Variants in PRKCB observed in about 807,000 individuals in gnomAD.
The protein encoded by PRKCB is protein kinase C beta type.
Under a neutral mutation model 81.5 loss-of-function variants are expected in PRKCB, and 13 were observed. The ratio of observed to expected loss-of-function variants is 0.16; its 90% CI spans 0.10 to 0.25. The LOEUF (loss-of-function observed/expected upper bound fraction) is 0.25, where lower values mean the gene tolerates loss of function less well. PRKCB is among the 10% of genes least tolerant of loss of function. PRKCB has a pLI of 1.00. For synonymous variants in PRKCB, 335 were observed against 321.4 expected, an observed-to-expected ratio of 1.04 and a Z score of -0.45; for missense variants, 509 against 875.7, an observed-to-expected ratio of 0.58 and a Z score of 5.29.
chr16:23,899,751 C>T (rs1597235337), intron 2 of PRKCB, among the ~76,000 whole-genome samples: 1 of 79,220 alleles, frequency 1.3e-5, no homozygotes, highest in East Asian at 3.4e-4. Context: ...GATCCTCCCA[C>T]CTCAGCCTTC....
At chr16:24,201,436 G>A (rs987596806) in intron 16 of PRKCB, among the ~76,000 whole-genome samples, 1 of 152,250 alleles carries the variant, frequency 6.6e-6, no homozygotes, top group Middle Eastern at 3.4e-3. Flanking sequence ...TGGGCACATA[G>A]CAACTCCCAA....
chr16:23,882,039 T>TTTC, intron 2 of PRKCB, among the ~76,000 whole-genome samples: 1 of 126,052 alleles, frequency 7.9e-6, no homozygotes, highest in Non-Finnish European at 1.7e-5. Context: ...CCTTCCTTCC[T>TTTC]TCCTTCCTTC....
At chr16:24,101,157 T>C (rs1429811833) in intron 7 of PRKCB, among the ~76,000 whole-genome samples, 2 of 152,238 alleles carry the variant, frequency 1.3e-5, no homozygotes, top group Non-Finnish European at 2.9e-5. Context: ...GAATTCTAAC[T>C]TTGTGGCTAA....
chr16:24,179,951 T>G (rs1203529142), intron 12 of PRKCB, among the ~76,000 whole-genome samples: 3 of 145,684 alleles, frequency 2.1e-5, no homozygotes, highest in Non-Finnish European at 4.5e-5. Context: ...TGTGCAACAT[T>G]TTTTTTTTTT....
chr16:24,193,746 G>A (rs919659798), intron 16 of PRKCB, among the ~76,000 whole-genome samples: 7 of 152,100 alleles, frequency 4.6e-5, no homozygotes, highest in African/African-American at 1.7e-4. Context: ...GAGGGAAGAG[G>A]GCTGGTGAGA....
Position 24,195,695 on chromosome 16 carries a change from T to C in PRKCB, c.1863+4465T>C, listed in dbSNP as rs570291835. ...GGAACAAGAGTCATTTCTTTTTTAATGTTCGCCTGGTTGTGTGTTGCTTTT... is the reference window on the plus strand; with the variant it reads ...GGAACAAGAGTCATTTCTTTTTTAACGTTCGCCTGGTTGTGTGTTGCTTTT... On this transcript the variant is annotated intron_variant, in intron 16 of 16. Transcript: ENST00000643927. Among the ~76,000 whole-genome samples, 7 of 152,350 alleles carry C rather than the reference T, an allele frequency of 4.6e-5. No homozygotes were observed. In the South Asian group the frequency reaches 1.4e-3, roughly 32 times the overall value.
chr16:24,007,232 G>T (rs902518405), intron 3 of PRKCB, among the ~76,000 whole-genome samples: 1 of 152,190 alleles, frequency 6.6e-6, no homozygotes, highest in African/African-American at 2.4e-5. Context: ...TAGATGGTAA[G>T]AGCTTCATGC....
In PRKCB at chr16:24,214,712, C is replaced by G; in HGVS notation, c.1918C>G (p.Leu640Val). Residue 640 changes from leucine to valine, a missense_variant, in exon 17 of 17, where the codon CTA becomes GTA. Leu to Val is a conservative substitution (Grantham distance 32). Around this residue, in one of 6 missense-constraint regions of PRKCB, gnomAD observed 104 missense variants for 160.5 expected, o/e 0.65. Coordinates refer to ENST00000643927, the MANE Select transcript of PRKCB (RefSeq NM_002738.7). ...DRFFTRHPPV[L>V]TPPDQEVIRN... ...ATTTTTCACCCGCCATCCACCAGTC[C>G]TAACACCTCCCGACCAGGAAGTCAT... The G allele has an allele frequency of 6.2e-7, 1 of 1,614,186 alleles. No homozygotes were observed. Among genetic ancestry groups the G allele is most frequent in the Non-Finnish European group, 8.5e-7 (1 of 1,180,030 alleles).
At chr16:24,201,582 C>A (rs906296176) in intron 16 of PRKCB, among the ~76,000 whole-genome samples, 1 of 152,140 alleles carries the variant, frequency 6.6e-6, no homozygotes, top group African/African-American at 2.4e-5. Context: ...GCTCACTGCA[C>A]CAGGGGGATG....
intron 5 of PRKCB, among the ~76,000 whole-genome samples, chr16:24,051,374 T>TG (rs1965840151): frequency 6.6e-6 from 1 of 152,092 alleles, no homozygotes; most frequent in Non-Finnish European, 1.5e-5. Flanking sequence ...ACCTGGTGCT[T>TG]TTACCTGGGG....
intron 2 of PRKCB, among the ~76,000 whole-genome samples, chr16:23,982,457 G>A (rs1964751757): frequency 6.7e-6 from 1 of 148,804 alleles, no homozygotes; most frequent in South Asian, 2.1e-4. Context: ...GTCTCATTCT[G>A]TTGCCCAGGC....
At chr16:24,035,689 C>T in intron 5 of PRKCB, 142 bp downstream of exon 5, 1 of 1,003,678 alleles carries the variant, frequency 1.0e-6, no homozygotes, top group Non-Finnish European at 1.4e-6. Flanking sequence ...ACTGCTTCTG[C>T]CCCATGCCCT....
rs1272471408 is a variant in PRKCB at position 24,094,414 on chromosome 16, G to A, written c.821+117G>A. ...TACTAAAACAGAGTCCCAAAGTGAA[G>A]TCTGGTTGATTGGATCTGCCTTGCA... On this transcript the variant is annotated intron_variant, in intron 7 of 16. Coordinates refer to ENST00000643927, the MANE Select transcript of PRKCB (RefSeq NM_002738.7). 2.2e-6 allele frequency: 3 copies of A among 1,357,516 alleles called. No individual in the cohort carries two copies. The East Asian group carries it at 6.9e-5, about 31-fold the overall frequency. The allele number at this position is 1,357,516 out of a possible 1,614,324, so 84.1% of individuals were successfully genotyped here.
chr16:24,211,189 G>A (rs992538835), intron 16 of PRKCB, among the ~76,000 whole-genome samples: 3 of 152,134 alleles, frequency 2.0e-5, no homozygotes, highest in African/African-American at 7.2e-5. Flanking sequence ...AATTTAGCTT[G>A]GAATGACAAA....
At chr16:24,002,585 T>C (rs1026065844) in intron 3 of PRKCB, among the ~76,000 whole-genome samples, 1 of 152,080 alleles carries the variant, frequency 6.6e-6, no homozygotes, top group Non-Finnish European at 1.5e-5. Context: ...GCGTTCTGCC[T>C]GCCTCAGCCT....
chr16:23,867,308 G>T (rs1962824613), intron 2 of PRKCB, among the ~76,000 whole-genome samples: 1 of 152,004 alleles, frequency 6.6e-6, no homozygotes. Flanking sequence ...TTTTAGTAGA[G>T]ACGGGGTTTC....
At chr16:24,067,972 G>C (rs1966059161) in intron 5 of PRKCB, among the ~76,000 whole-genome samples, 1 of 151,458 alleles carries the variant, frequency 6.6e-6, no homozygotes, top group Non-Finnish European at 1.5e-5. Context: ...GAGAGAGAGA[G>C]AGCTGAGGAA....
intron 2 of PRKCB, among the ~76,000 whole-genome samples, 159 bp downstream of exon 2, chr16:23,837,565 G>GGT (rs1412823773): frequency 1.1e-4 from 17 of 152,238 alleles, no homozygotes; most frequent in African/African-American, 4.1e-4. Context: ...CCTTTCAAGG[G>GGT]GTGTGTGTGT....
intron 9 of PRKCB, among the ~76,000 whole-genome samples, chr16:24,134,362 A>G (rs1234178363): frequency 6.6e-6 from 1 of 152,142 alleles, no homozygotes; most frequent in Non-Finnish European, 1.5e-5. Context: ...TCTAGAGGCC[A>G]AGCCTGGAGG....
Sources: allele counts gnomAD v4.1 joint callset (sites outside exome capture counted in the v4.1 genomes callset), GRCh38; gene constraint gnomAD v4.1.1; regional missense constraint gnomAD v4.1.1; transcripts MANE v1.5; gene names NCBI Gene and HGNC (gene_info 2026-07-23, HGNC 2026-07-21).